The following SLC12A9 variants were observed in gnomAD, a reference collection of about 807,000 sequenced individuals.
SLC12A9 encodes solute carrier family 12 member 9, also known as CCC-interacting protein 1.
In SLC12A9, 55 loss-of-function variants were observed where a neutral mutation model predicts 66.0. The ratio of observed to expected loss-of-function variants is 0.83; its 90% CI spans 0.67 to 1.04. SLC12A9 has a LOEUF of 1.04. Among genes scored for constraint, SLC12A9 ranks in the 50% least tolerant of loss-of-function variants. The pLI is 0.00. For missense variants in SLC12A9, 1,061 were observed against 1,241.9 expected, an observed-to-expected ratio of 0.85 and a Z score of 2.19; for synonymous variants, 577 against 569.0, an observed-to-expected ratio of 1.01 and a Z score of -0.20.
chr7:100,850,722 CTTT>C (rs552170386), upstream of SLC12A9, among the ~76,000 whole-genome samples: 4,834 of 141,504 alleles, frequency 0.034, 137 homozygotes, highest in Middle Eastern at 0.081. Flanking sequence ...TCTTCTTCTT[CTTT>C]TTTTTTTTTT....
chr7:100,844,237 A>C (rs888895273), intron 1 of SLC12A9, among the ~76,000 whole-genome samples: 4 of 152,142 alleles, frequency 2.6e-5, no homozygotes, highest in African/African-American at 9.7e-5. Context: ...CTAGAACTCT[A>C]AAAAAGCCTT....
intron 4 of SLC12A9, 139 bp downstream of exon 4, chr7:100,855,976 C>T: frequency 7.5e-7 from 1 of 1,329,134 alleles, no homozygotes. Flanking sequence ...GCTGTGTGGC[C>T]AGCATCGTGC....
At position 100,866,294 on chromosome 7, in the gene SLC12A9, C is replaced by A; in HGVS notation, c.2434C>A (p.Pro812Thr). Reference protein sequence around the residue: ...VWGEGAGAGEPEAEEEGDFVN... With the variant: ...VWGEGAGAGETEAEEEGDFVN... ...GGGCGAGGGGGCCGGGGCTGGGGAA[C>A]CCGAGGCGGAGGAGGAAGGGGACTT... The change falls in exon 14 of 14, where the codon CCC becomes ACC. Residue 812 changes from proline to threonine, a missense_variant. Transcript: ENST00000354161. This position sits in a 1 kb window ranked among gnomAD's most constrained non-coding sequence, Gnocchi z 7.3. 1 of 1,523,722 alleles carries A rather than the reference C, an allele frequency of 6.6e-7. No individual in the cohort carries two copies. Among genetic ancestry groups the A allele is most frequent in the South Asian group, 1.2e-5 (1 of 80,436 alleles). The allele number at this position is 1,523,722 out of a possible 1,614,324, so 94.4% of individuals were successfully genotyped here.
At chr7:100,838,066 T>C (rs1043011518) in intron 1 of SLC12A9, among the ~76,000 whole-genome samples, 2 of 151,998 alleles carry the variant, frequency 1.3e-5, no homozygotes, top group Non-Finnish European at 1.5e-5. Context: ...TTTCACCATG[T>C]TAGCCAGGAT....
At position 100,861,348 on chromosome 7, in the gene SLC12A9, G is replaced by C. The variant is rs201222274; in HGVS notation, c.1344-44G>C. 87 of 1,611,500 alleles carry C rather than the reference G, an allele frequency of 5.4e-5. No individual in the cohort carries two copies. The Admixed American group carries it at 1.4e-3, about 26-fold the overall frequency. On this transcript the variant is annotated intron_variant, in intron 10 of 13. Coordinates refer to ENST00000354161, the MANE Select transcript of SLC12A9 (RefSeq NM_020246.4). This position sits in a 1 kb window ranked among gnomAD's most constrained non-coding sequence, Gnocchi z 5.3. ...GGCTGGGGACTGCAGCCTCGTGTGC[G>C]GCCTGCCCTGAGTTTCTGTCCCTCC...
chr7:100,854,246 G>A lies in SLC12A9; in HGVS notation c.49G>A (p.Glu17Lys), dbSNP rs751924409. 38 of 1,578,878 alleles carry A rather than the reference G, an allele frequency of 2.4e-5. No individual in the cohort carries two copies. The highest frequency in any genetic ancestry group is 3.2e-5 in the Non-Finnish European group (38 of 1,171,028). The change falls in exon 2 of 14, where the codon GAG becomes AAG. Residue 17 changes from glutamate (E) to lysine (K), a missense_variant. Transcript: ENST00000354161. ...GCTGGCCTACCGGCTCCTGGGGGAG[G>A]AGGGGGTTGCCCTCCCTGCCAATGG... The part of the protein sequence containing the change: ...PLLAYRLLGE[E>K]GVALPANGAG...
chr7:100,830,812 G>A (rs879103250), intron 1 of SLC12A9, among the ~76,000 whole-genome samples: 1 of 151,946 alleles, frequency 6.6e-6, no homozygotes, highest in South Asian at 2.1e-4. Context: ...ACGTGGAGAT[G>A]GCATCTGAGA....
At position 100,866,855 on chromosome 7, in the gene SLC12A9, G is replaced by A. The variant is rs1563000610; in HGVS notation, c.*250G>A. 1 of 420,728 alleles carries A rather than the reference G, an allele frequency of 2.4e-6. No individual in the cohort carries two copies. The highest frequency in any genetic ancestry group is 3.7e-5 in the East Asian group (1 of 27,362). 26.1% of individuals were successfully genotyped at this position (420,728 alleles called of 1,614,324 possible). On this transcript the variant is annotated 3_prime_UTR_variant, in exon 14 of 14. Coordinates refer to ENST00000354161, the MANE Select transcript of SLC12A9 (RefSeq NM_020246.4). This position sits in a 1 kb window ranked among gnomAD's most constrained non-coding sequence, Gnocchi z 7.3. Reference sequence around the variant, plus strand: ...AGGGAGTCCGCAGCCTCCCTTCACTGGTGCCTTGATGCTAGGGGCCAGGCC... The same window carrying A: ...AGGGAGTCCGCAGCCTCCCTTCACTAGTGCCTTGATGCTAGGGGCCAGGCC...
upstream of SLC12A9, among the ~76,000 whole-genome samples, chr7:100,848,534 TA>T (rs1813971084): frequency 6.8e-6 from 1 of 146,754 alleles, no homozygotes; most frequent in African/African-American, 2.5e-5. Flanking sequence ...AAATAATAAA[TA>T]AATACAGAAA....
intron 1 of SLC12A9, among the ~76,000 whole-genome samples, chr7:100,845,499 G>A (rs1051757524): frequency 8.5e-5 from 13 of 152,054 alleles, no homozygotes; most frequent in Admixed American, 2.6e-4. Flanking sequence ...ACAGGAGCCC[G>A]CCACCATGCC....
chr7:100,836,482 C>A (rs1156334288), intron 1 of SLC12A9, among the ~76,000 whole-genome samples: 1 of 152,166 alleles, frequency 6.6e-6, no homozygotes, highest in African/African-American at 2.4e-5. Flanking sequence ...AAACCCACCC[C>A]CCGCTCCATT....
intron 1 of SLC12A9, among the ~76,000 whole-genome samples, chr7:100,830,965 C>T (rs745988299): frequency 1.3e-5 from 2 of 152,068 alleles, no homozygotes; most frequent in African/African-American, 2.4e-5. Flanking sequence ...TGAACATTCA[C>T]GTTACTACCT....
intron 4 of SLC12A9, 62 bp downstream of exon 4, chr7:100,855,899 A>G (rs1814362224): frequency 1.3e-6 from 2 of 1,517,188 alleles, no homozygotes; most frequent in Non-Finnish European, 1.8e-6. Context: ...GTGTGGGATC[A>G]TGAGGGAGAA....
Position 100,861,326 on chromosome 7 carries a change from T to G in SLC12A9, c.1343+64T>G. 1 of 1,612,556 alleles carries G rather than the reference T, an allele frequency of 6.2e-7. No homozygotes were observed. Among genetic ancestry groups the G allele is most frequent in the South Asian group, 1.1e-5 (1 of 91,054 alleles). On this transcript the variant is annotated intron_variant, in intron 10 of 13. Coordinates refer to ENST00000354161, the MANE Select transcript of SLC12A9 (RefSeq NM_020246.4). The surrounding 1 kb of genome is among the most constrained non-coding windows in gnomAD (Gnocchi z 5.3). ...GAGGACTCGGGCTCAGGCGTGGGGC[T>G]GGGGACTGCAGCCTCGTGTGCGGCC...
At chr7:100,836,115 C>A (rs1813653392) in intron 1 of SLC12A9, among the ~76,000 whole-genome samples, 1 of 152,190 alleles carries the variant, frequency 6.6e-6, no homozygotes. Flanking sequence ...ATCCCAGCAC[C>A]CACTGGACTG....
chr7:100,860,726 G>T (rs1814695782), intron 9 of SLC12A9: 2 of 379,012 alleles, frequency 5.3e-6, no homozygotes, highest in African/African-American at 4.2e-5. Flanking sequence ...ACTTTTCAGG[G>T]TTCATTGACA....
At chr7:100,846,509 G>A (rs1395783026) in intron 1 of SLC12A9, among the ~76,000 whole-genome samples, 1 of 151,920 alleles carries the variant, frequency 6.6e-6, no homozygotes, top group Admixed American at 6.6e-5. Flanking sequence ...GGAGCTGGCA[G>A]TGAGCCGAGA....
intron 1 of SLC12A9, among the ~76,000 whole-genome samples, chr7:100,832,553 A>G (rs1450702513): frequency 6.6e-6 from 1 of 152,172 alleles, no homozygotes. Context: ...AAAGACAGAG[A>G]AAGAATAGAA....
chr7:100,826,946 A>T (rs776969553), exon 1 of SLC12A9: 1 of 1,520,196 alleles, frequency 6.6e-7, no homozygotes, highest in Non-Finnish European at 8.8e-7. Flanking sequence ...CCCAGGAGTG[A>T]CGGGGTGCGC....
Sources: allele counts gnomAD v4.1 joint callset (sites outside exome capture counted in the v4.1 genomes callset), GRCh38; gene constraint gnomAD v4.1.1; non-coding constraint Gnocchi (gnomAD v3.1); transcripts MANE v1.5; gene names NCBI Gene and HGNC (gene_info 2026-07-23, HGNC 2026-07-21).